Variants in NDUFA7 observed in about 807,000 individuals in gnomAD.
NDUFA7 encodes NADH:ubiquinone oxidoreductase subunit A7.
NDUFA7 carries 18 observed loss-of-function variants against 14.2 expected under a neutral mutation model. That is an observed-to-expected ratio of 1.27 (90% CI 0.88 to 1.88). The LOEUF is 1.88. Ranked by LOEUF, NDUFA7 falls within the 40% of genes most tolerant of loss-of-function variation. The pLI, the probability that NDUFA7 is intolerant of heterozygous loss-of-function variation, is 0.00. For missense variants in NDUFA7, 172 were observed against 147.3 expected (o/e 1.17, Z -0.87); for synonymous variants, 75 against 62.1 (o/e 1.21, Z -0.98).
intron 2 of NDUFA7, among the ~76,000 whole-genome samples, chr19:8,320,232 A>T (rs1970286189): frequency 6.6e-6 from 1 of 152,192 alleles, no homozygotes; most frequent in Admixed American, 6.5e-5. Context: ...TTCCAAAGAA[A>T]GATCTTTCCC....
At chr19:8,319,132 G>C (rs1332200298) in intron 2 of NDUFA7, among the ~76,000 whole-genome samples, 1 of 151,922 alleles carries the variant, frequency 6.6e-6, no homozygotes, top group African/African-American at 2.4e-5. Context: ...GGGGGAGAGA[G>C]CATCAGGAAG....
At chr19:8,321,007 G>C in intron 1 of NDUFA7, 101 bp from the exon 2 acceptor site, 1 of 1,321,620 alleles carries the variant, frequency 7.6e-7, no homozygotes, top group South Asian at 1.2e-5. Context: ...CGCATTTTAA[G>C]GGAAGGCAGG....
intron 3 of NDUFA7, among the ~76,000 whole-genome samples, chr19:8,315,944 G>T (rs1970227695): frequency 6.6e-6 from 1 of 151,858 alleles, no homozygotes; most frequent in African/African-American, 2.4e-5. Context: ...CACAAGGTCA[G>T]TTCAAGACCA....
chr19:8,316,362 C>G, intron 3 of NDUFA7, 134 bp downstream of exon 3: 2 of 1,328,102 alleles, frequency 1.5e-6, no homozygotes, highest in South Asian at 2.8e-5. Flanking sequence ...AAAAAGCTCC[C>G]AGCAGCACAG....
downstream of NDUFA7, chr19:8,308,695 A>C: frequency 3.8e-6 from 1 of 261,294 alleles, no homozygotes; most frequent in Non-Finnish European, 7.3e-6. Context: ...CAGGTAATTT[A>C]TTTTATTTAC....
Position 8,311,597 on chromosome 19 carries a change from TGGA to T in NDUFA7, c.252-5_252-3del. On this transcript the variant is annotated splice_polypyrimidine_tract_variant and splice_region_variant and intron_variant, in intron 3 of 3. Coordinates refer to ENST00000301457, the MANE Select transcript of NDUFA7 (RefSeq NM_005001.5). ...TTCTCAGTGGCAGCTACAGCAGAGC[TGGA>T]GGAGGGAAAGACTTCAGTGAGGGTT... 6.2e-7 allele frequency: 1 copy of T among 1,610,930 alleles called. No homozygotes were observed. The highest frequency in any genetic ancestry group is 8.5e-7 in the Non-Finnish European group (1 of 1,178,464).
intron 2 of NDUFA7, 21 bp from the exon 3 acceptor site, chr19:8,316,666 C>T (rs765704343): frequency 2.0e-5 from 32 of 1,612,296 alleles, no homozygotes; most frequent in Non-Finnish European, 2.6e-5. Flanking sequence ...AAAAGATGAG[C>T]ACTGAAGCAA....
Position 8,316,507 on chromosome 19 carries a change from C to T in NDUFA7, c.240G>A (p.Lys80=). The part of the protein sequence containing the change: ...MSSQKALVSG[K]PAESSAVAAT... The stretch of plus-strand genomic sequence containing the variant: ...CTGGAGATCCTCACCTCTCTGCTGG[C>T]TTGCCTGACACCAGCGCCTTCTGCG... Residue 80 remains lysine (K), a synonymous_variant, in exon 3 of 4, where the codon AAG becomes AAA. Coordinates refer to ENST00000301457, the MANE Select transcript of NDUFA7 (RefSeq NM_005001.5). The T allele has an allele frequency of 6.2e-7, 1 of 1,613,958 alleles. No individual in the cohort carries two copies. The highest frequency in any genetic ancestry group is 8.5e-7 in the Non-Finnish European group (1 of 1,179,936).
chr19:8,316,086 T>G (rs148030915), intron 3 of NDUFA7, among the ~76,000 whole-genome samples: 1 of 142,692 alleles, frequency 7.0e-6, no homozygotes, highest in African/African-American at 2.7e-5. Context: ...GAGGTGGAGA[T>G]TGCAGTGAGC....
chr19:8,316,148 C>CAAA (rs60161246), intron 3 of NDUFA7, among the ~76,000 whole-genome samples: 1,050 of 80,494 alleles, frequency 0.013, 25 homozygotes, highest in African/African-American at 0.043. Flanking sequence ...GACTCCGTCT[C>CAAA]AAAAAAAAAA....
At chr19:8,309,961 G>A (rs138661617), downstream of NDUFA7, among the ~76,000 whole-genome samples, 399 of 152,294 alleles carry the variant, frequency 2.6e-3, 3 homozygotes, top group African/African-American at 9.3e-3. Context: ...AGCATAATGG[G>A]ATCTGGCTCA....
Position 8,321,316 on chromosome 19 carries a change from C to G in NDUFA7, c.43G>C (p.Ala15Pro). Reference protein sequence around the residue: ...TRLIQRLRNWASGHDLQGKLQ... With the variant: ...TRLIQRLRNWPSGHDLQGKLQ... ...CTGTCCGCCCCGCGCACCCCGGACG[C>G]CCAGTTCCGCAGCCGCTGGATGAGA... is the stretch of plus-strand genomic sequence containing the variant. The change falls in exon 1 of 4, where the codon GCG becomes CCG. Residue 15 changes from alanine to proline, a missense_variant. Ala to Pro is a conservative substitution (Grantham distance 27). Transcript: ENST00000301457. 6.3e-7 allele frequency: 1 copy of G among 1,576,852 alleles called. No individual in the cohort carries two copies. The highest frequency in any genetic ancestry group is 8.6e-7 in the Non-Finnish European group (1 of 1,164,590).
At position 8,320,914 on chromosome 19, in the gene NDUFA7, A is replaced by AAGAGG; in HGVS notation, c.52-13_52-9dup. On this transcript the variant is annotated splice_polypyrimidine_tract_variant and intron_variant, in intron 1 of 3. Transcript: ENST00000301457. ...CTTCCCCTGCAGGTCATGCTGTGGG[A>AAGAGG]AGAGGAGAGGAGAGGTCGGCCTGCA... 1.2e-6 allele frequency: 2 copies of AAGAGG among 1,613,650 alleles called. No individual in the cohort carries two copies. Among genetic ancestry groups the AAGAGG allele is most frequent in the Non-Finnish European group, 1.7e-6 (2 of 1,179,978 alleles).
At position 8,316,642 on chromosome 19, in the gene NDUFA7, A is replaced by C. The variant is rs943051527; in HGVS notation, c.105T>G (p.Thr35=). 6.2e-7 allele frequency: 1 copy of C among 1,613,856 alleles called. No individual in the cohort carries two copies. Among genetic ancestry groups the C allele is most frequent in the Non-Finnish European group, 8.5e-7 (1 of 1,179,898 alleles). Residue 35 remains threonine, a synonymous_variant, in exon 3 of 4, where the codon ACT becomes ACG. Coordinates refer to ENST00000301457, the MANE Select transcript of NDUFA7 (RefSeq NM_005001.5). ...QLRYQEISKR[T]QPPPKLPVGP... ...CCACAGGGAGCTTGGGAGGAGGCTG[A>C]GTTCTGAGGGGAAAAAAGATGAGCA...
chr19:8,315,060 TA>T (rs1271887955), intron 3 of NDUFA7, among the ~76,000 whole-genome samples: 1 of 152,302 alleles, frequency 6.6e-6, no homozygotes, highest in East Asian at 1.9e-4. Context: ...TGTGCTTTGT[TA>T]AACAGAAGCT....
At chr19:8,311,856 C>T (rs1006578243) in intron 3 of NDUFA7, among the ~76,000 whole-genome samples, 2 of 152,216 alleles carry the variant, frequency 1.3e-5, no homozygotes, top group African/African-American at 4.8e-5. Flanking sequence ...CCAGAACCCA[C>T]TGTGGAGAGC....
intron 2 of NDUFA7, 47 bp from the exon 3 acceptor site, chr19:8,316,692 C>G: frequency 1.2e-6 from 2 of 1,600,356 alleles, no homozygotes; most frequent in South Asian, 2.2e-5. Context: ...CAGTCACTGT[C>G]ATGGCCCCGC....
In NDUFA7 at chr19:8,321,348, G is replaced by A. The variant is rs1568566009; in HGVS notation, c.11C>T (p.Ala4Val). The A allele has an allele frequency of 1.9e-6, 3 of 1,577,118 alleles. No individual in the cohort carries two copies. The highest frequency in any genetic ancestry group is 2.3e-5 in the South Asian group (2 of 86,548). ...CCGCAGCCGCTGGATGAGACGGGTG[G>A]CGGACGCCATCTTCCGTCCGCGATA... MAS[A>V]TRLIQRLRNW... Residue 4 changes from alanine to valine, a missense_variant, in exon 1 of 4, where the codon GCC (alanine) becomes GTC (valine). Ala to Val is a moderately conservative substitution (Grantham distance 64, BLOSUM62 0). Transcript: ENST00000301457.
chr19:8,313,227 CAG>C (rs921067573), intron 3 of NDUFA7, among the ~76,000 whole-genome samples: 2 of 150,762 alleles, frequency 1.3e-5, no homozygotes, highest in African/African-American at 4.9e-5. Flanking sequence ...GGCCTATTCA[CAG>C]AGTTCTTTTT....
Sources: gnomAD v4.1 joint callset for allele counts (sites outside exome capture counted in the v4.1 genomes callset) on GRCh38, gnomAD v4.1.1 for gene constraint, MANE v1.5 for transcripts, NCBI Gene and HGNC (gene_info 2026-07-23, HGNC 2026-07-21) for gene names.